Variants in NEO1 observed in about 807,000 individuals in gnomAD.
NEO1 encodes neogenin.
A neutral mutation model predicts 159.7 loss-of-function variants in NEO1; 63 were observed. The ratio of observed to expected loss-of-function variants is 0.39; its 90% CI spans 0.32 to 0.49. The LOEUF (loss-of-function observed/expected upper bound fraction) is 0.49. NEO1 is among the 20% of genes least tolerant of loss of function. NEO1 has a pLI of 0.85. For synonymous variants in NEO1, 633 were observed against 662.0 expected (o/e 0.96, Z 0.67); for missense variants, 1,615 against 1,831.0 (o/e 0.88, Z 2.15).
At chr15:73,212,158 C>G (rs1234045265) in intron 7 of NEO1, among the ~76,000 whole-genome samples, 3 of 152,186 alleles carry the variant, frequency 2.0e-5, no homozygotes, top group Non-Finnish European at 4.4e-5. Context: ...CAGAGCCTCT[C>G]TGATTTATTT....
chr15:73,259,370 A>ACTT (rs2040514175), intron 14 of NEO1, among the ~76,000 whole-genome samples: 1 of 135,546 alleles, frequency 7.4e-6, no homozygotes, highest in Non-Finnish European at 1.5e-5. Context: ...CATTTTACTA[A>ACTT]TTTTTTTTTT....
At chr15:73,219,280 CT>C (rs2038087501) in intron 7 of NEO1, among the ~76,000 whole-genome samples, 1 of 149,706 alleles carries the variant, frequency 6.7e-6, no homozygotes, top group South Asian at 2.1e-4. Context: ...GCACTGTGGT[CT>C]GAGAGATAGT....
At chr15:73,083,629 T>C (rs1348760315) in intron 1 of NEO1, among the ~76,000 whole-genome samples, 2 of 152,212 alleles carry the variant, frequency 1.3e-5, no homozygotes, top group African/African-American at 2.4e-5. Context: ...GTTTTATATA[T>C]GTTTTTGAAT....
intron 1 of NEO1, among the ~76,000 whole-genome samples, chr15:73,095,579 A>AAGATGT (rs752043929): frequency 7.2e-5 from 11 of 152,206 alleles, no homozygotes; most frequent in Non-Finnish European, 1.6e-4. Flanking sequence ...TTGATGGGGA[A>AAGATGT]AGATGTTTAA....
chr15:73,223,992 TGG>T (rs1034965836), intron 7 of NEO1, among the ~76,000 whole-genome samples: 1 of 152,180 alleles, frequency 6.6e-6, no homozygotes, highest in Non-Finnish European at 1.5e-5. Context: ...AGAGGTGGCT[TGG>T]GTAGTGGTGA....
intron 1 of NEO1, among the ~76,000 whole-genome samples, chr15:73,057,582 A>G (rs2067770943): frequency 6.6e-6 from 1 of 152,188 alleles, no homozygotes; most frequent in African/African-American, 2.4e-5. Context: ...TAACTTTGTC[A>G]TGGACATAGC....
chr15:73,194,931 G>A (rs979636919), intron 7 of NEO1, among the ~76,000 whole-genome samples: 1 of 152,172 alleles, frequency 6.6e-6, no homozygotes, highest in South Asian at 2.1e-4. Context: ...TTAATTTTGA[G>A]TTATGCTATA....
chr15:73,098,818 T>A (rs2070236790), intron 1 of NEO1, among the ~76,000 whole-genome samples: 1 of 152,186 alleles, frequency 6.6e-6, no homozygotes, highest in Non-Finnish European at 1.5e-5. Context: ...ATAATTGCGC[T>A]AGATTTTGCA....
chr15:73,111,294 G>A (rs2070974049), intron 1 of NEO1, among the ~76,000 whole-genome samples: 1 of 152,110 alleles, frequency 6.6e-6, no homozygotes, highest in Admixed American at 6.5e-5. Flanking sequence ...TATTATTTAT[G>A]TATCTTGACA....
intron 21 of NEO1, among the ~76,000 whole-genome samples, chr15:73,275,774 A>G (rs533696703): frequency 1.3e-5 from 2 of 152,278 alleles, no homozygotes; most frequent in South Asian, 4.1e-4. Flanking sequence ...TGTAACTGCC[A>G]TGGTGGAGGG....
In NEO1 at chr15:73,254,834, G is replaced by A. The variant is rs752202282; in HGVS notation, c.2092+5G>A. ...AGCTGTCTCAGCTGATTGAAGGTAA[G>A]CTACCGTGCACAAAGGCAAAAGGTA... On this transcript the variant is annotated splice_donor_5th_base_variant and intron_variant, in intron 13 of 28. Transcript: ENST00000261908. 1 of 1,611,074 alleles carries A rather than the reference G, an allele frequency of 6.2e-7. No individual in the cohort carries two copies. Among genetic ancestry groups the A allele is most frequent in the Non-Finnish European group, 8.5e-7 (1 of 1,178,986 alleles).
intron 7 of NEO1, among the ~76,000 whole-genome samples, chr15:73,203,311 G>T (rs959892972): frequency 1.3e-5 from 2 of 152,118 alleles, no homozygotes; most frequent in Non-Finnish European, 2.9e-5. Flanking sequence ...GGCTATCCTA[G>T]TGGGTGTAAA....
chr15:73,055,651 C>G (rs980781056), intron 1 of NEO1, among the ~76,000 whole-genome samples: 1 of 152,184 alleles, frequency 6.6e-6, no homozygotes, highest in Non-Finnish European at 1.5e-5. Context: ...TAAATAGGAT[C>G]TTAGGTTACT....
intron 5 of NEO1, 85 bp downstream of exon 5, chr15:73,136,112 G>A: frequency 8.5e-7 from 1 of 1,182,094 alleles, no homozygotes; most frequent in Non-Finnish European, 1.1e-6. Context: ...CATGGGCGAG[G>A]CAATACAGCA....
intron 4 of NEO1, among the ~76,000 whole-genome samples, chr15:73,132,135 T>C (rs2031209514): frequency 6.6e-6 from 1 of 152,254 alleles, no homozygotes; most frequent in African/African-American, 2.4e-5. Flanking sequence ...CTCAGTGCTA[T>C]ATCCCCAGCT....
chr15:73,074,397 T>C (rs2068673690), intron 1 of NEO1, among the ~76,000 whole-genome samples: 1 of 152,212 alleles, frequency 6.6e-6, no homozygotes, highest in Non-Finnish European at 1.5e-5. Context: ...GTTTTGTTGT[T>C]TTAAACTCAT....
intron 7 of NEO1, among the ~76,000 whole-genome samples, chr15:73,205,717 G>C (rs2037174326): frequency 6.6e-6 from 1 of 152,126 alleles, no homozygotes. Flanking sequence ...GAATGCACCT[G>C]TCTCTACAGT....
intron 5 of NEO1, among the ~76,000 whole-genome samples, chr15:73,171,845 T>G (rs1349155612): frequency 6.6e-6 from 1 of 151,890 alleles, no homozygotes; most frequent in Admixed American, 6.6e-5. Flanking sequence ...TTTTGCCAAG[T>G]TGGCCAGGCT....
At chr15:73,254,864 G>T in intron 13 of NEO1, 35 bp downstream of exon 13, 1 of 1,588,628 alleles carries the variant, frequency 6.3e-7, no homozygotes, top group Non-Finnish European at 8.5e-7. Flanking sequence ...AAGGTACACT[G>T]TGTCTTTCTC....
Sources: gnomAD v4.1 joint callset for allele counts (sites outside exome capture counted in the v4.1 genomes callset) on GRCh38, gnomAD v4.1.1 for gene constraint, MANE v1.5 for transcripts, NCBI Gene and HGNC (gene_info 2026-07-23, HGNC 2026-07-21) for gene names.